The following NRCAM variants were observed in gnomAD, a reference collection of about 807,000 sequenced individuals.
NRCAM encodes the protein neuronal cell adhesion molecule.
NRCAM carries 83 observed loss-of-function variants against 156.5 expected under a neutral mutation model. That is an observed-to-expected ratio of 0.53 (90% CI 0.44 to 0.64). NRCAM has a LOEUF of 0.64. Ranked by LOEUF, NRCAM falls within the 30% of genes least tolerant of loss-of-function variation. The pLI, the probability that NRCAM is intolerant of heterozygous loss-of-function variation, is 0.00. For synonymous variants in NRCAM, 538 were observed against 563.9 expected (o/e 0.95, Z 0.65); for missense variants, 1,417 against 1,597.3 (o/e 0.89, Z 1.92).
intron 1 of NRCAM, among the ~76,000 whole-genome samples, chr7:108,409,136 A>G (rs931511943): frequency 6.6e-5 from 10 of 152,222 alleles, no homozygotes; most frequent in Non-Finnish European, 1.3e-4. Context: ...GAGGCTAGGC[A>G]GGAATTTGAG....
At chr7:108,235,518 TACTC>T (rs1391174378) in intron 5 of NRCAM, among the ~76,000 whole-genome samples, 1 of 152,176 alleles carries the variant, frequency 6.6e-6, no homozygotes, top group Non-Finnish European at 1.5e-5. Context: ...TGTTTTTTCT[TACTC>T]AGTGCAGCAA....
intron 3 of NRCAM, among the ~76,000 whole-genome samples, chr7:108,287,750 C>T (rs1003532598): frequency 2.0e-5 from 3 of 150,874 alleles, no homozygotes; most frequent in Non-Finnish European, 4.4e-5. Flanking sequence ...AAAAAAGAAA[C>T]GCTTATACAC....
intron 2 of NRCAM, among the ~76,000 whole-genome samples, chr7:108,373,872 T>C (rs1232310808): frequency 6.6e-6 from 1 of 152,174 alleles, no homozygotes; most frequent in African/African-American, 2.4e-5. Context: ...ACCACGTTTA[T>C]TCTAAATGGG....
intron 3 of NRCAM, among the ~76,000 whole-genome samples, chr7:108,307,680 C>CA (rs796191425): frequency 0.018 from 2,326 of 127,068 alleles, 30 homozygotes; most frequent in East Asian, 0.039. Flanking sequence ...CAAAGCAAAG[C>CA]AAAAAAAAAA....
chr7:108,227,873 T>C (rs1356391978), intron 8 of NRCAM, among the ~76,000 whole-genome samples: 1 of 152,180 alleles, frequency 6.6e-6, no homozygotes, highest in Non-Finnish European at 1.5e-5. Flanking sequence ...TGGAGCTCCC[T>C]CAGGCAGAAA....
At chr7:108,250,933 A>T (rs1023759812) in intron 3 of NRCAM, among the ~76,000 whole-genome samples, 3 of 152,210 alleles carry the variant, frequency 2.0e-5, no homozygotes, top group African/African-American at 2.4e-5. Context: ...AAAGTTTTTT[A>T]AAAAAGAAAA....
At chr7:108,260,372 T>C (rs1042620003) in intron 3 of NRCAM, among the ~76,000 whole-genome samples, 7 of 151,610 alleles carry the variant, frequency 4.6e-5, no homozygotes, top group African/African-American at 1.7e-4. Flanking sequence ...TTGAAAAAAA[T>C]GAATGGGTTG....
intron 2 of NRCAM, among the ~76,000 whole-genome samples, chr7:108,322,857 T>C (rs1324317241): frequency 6.6e-6 from 1 of 152,166 alleles, no homozygotes; most frequent in Non-Finnish European, 1.5e-5. Flanking sequence ...TAATGTAACA[T>C]AGCCTGTCTT....
At chr7:108,307,836 C>T (rs1475542058) in intron 3 of NRCAM, among the ~76,000 whole-genome samples, 5 of 152,112 alleles carry the variant, frequency 3.3e-5, no homozygotes, top group Non-Finnish European at 5.9e-5. Flanking sequence ...TGTCAGGATT[C>T]GACTCCCTCC....
chr7:108,189,930 T>C (rs1587362187), intron 19 of NRCAM, among the ~76,000 whole-genome samples, 184 bp from the exon 20 acceptor site: 1 of 152,186 alleles, frequency 6.6e-6, no homozygotes, highest in Admixed American at 6.5e-5. Flanking sequence ...ACACACAAGA[T>C]AACCCATCAA....
chr7:108,152,699 C>A (rs1453937614), intron 32 of NRCAM, among the ~76,000 whole-genome samples: 1 of 152,104 alleles, frequency 6.6e-6, no homozygotes, highest in African/African-American at 2.4e-5. Flanking sequence ...TGCTTTAGCA[C>A]TACAATAGCA....
intron 3 of NRCAM, among the ~76,000 whole-genome samples, chr7:108,272,128 G>T (rs2097376531): frequency 6.6e-6 from 1 of 152,064 alleles, no homozygotes; most frequent in Admixed American, 6.6e-5. Flanking sequence ...AACATATCTG[G>T]ATCTAAAATT....
intron 3 of NRCAM, among the ~76,000 whole-genome samples, chr7:108,280,223 A>G (rs1269673): frequency 0.89 from 135,336 of 152,264 alleles, 60,269 homozygotes; most frequent in African/African-American, 0.92. Flanking sequence ...TCTTCCCAAC[A>G]GGCGAATGAA....
chr7:108,212,574 T>C (rs532877518), intron 11 of NRCAM, among the ~76,000 whole-genome samples: 35 of 152,172 alleles, frequency 2.3e-4, no homozygotes, highest in South Asian at 1.0e-3. Flanking sequence ...TCAGGAAACA[T>C]TGGACACACT....
chr7:108,213,809 C>T lies in NRCAM; in HGVS notation c.891-4204G>A, dbSNP rs10225239. Among the ~76,000 whole-genome samples the T allele has an allele frequency of 5.5e-3, 843 of 152,138 alleles. 8 individuals are homozygous for T. Among genetic ancestry groups the T allele is most frequent in the African/African-American group, 0.019 (798 of 41,512 alleles). ...TCCTGAGAGTTTTTAGCATGAAGGG[C>T]TGTTGAATTTTGTCGAAGGCCTTTT... On this transcript the variant is annotated intron_variant, in intron 11 of 32. Coordinates refer to ENST00000379028, the MANE Select transcript of NRCAM (RefSeq NM_001037132.4).
Position 108,155,101 on chromosome 7 carries a change from TACACACACACACACACAC to T in NRCAM, c.3677+4344_3677+4361del, listed in dbSNP as rs58111040. On this transcript the variant is annotated intron_variant, in intron 32 of 32. Transcript: ENST00000379028. ...GATTTAAAAGTCATATATATATATA[TACACACACACACACACAC>T]ACACACACACACACACACACACACA... Among the ~76,000 whole-genome samples, 3 of 123,102 alleles carry T rather than the reference TACACACACACACACACAC, an allele frequency of 2.4e-5. 1 individual carries two copies. The highest frequency in any genetic ancestry group is 5.2e-4 in the South Asian group (2 of 3,814). 80.8% of individuals were successfully genotyped at this position (123,102 alleles called of 152,430 possible). A position where few individuals can be genotyped will look rare whatever the true frequency, so the allele number is the denominator to read the frequency against.
At chr7:108,421,187 A>G (rs768207243) in intron 1 of NRCAM, among the ~76,000 whole-genome samples, 9 of 152,212 alleles carry the variant, frequency 5.9e-5, no homozygotes, top group Non-Finnish European at 1.3e-4. Context: ...GTGTGTGTAT[A>G]AAACGTGTAA....
At chr7:108,150,170 T>C in intron 32 of NRCAM, 23 bp from the exon 33 acceptor site, 1 of 1,566,094 alleles carries the variant, frequency 6.4e-7, no homozygotes, top group Non-Finnish European at 8.6e-7. Flanking sequence ...GAAAACATTT[T>C]TGTCAAGATT....
Position 108,277,941 on chromosome 7 carries a change from T to C in NRCAM, c.-107+34724A>G, listed in dbSNP as rs147212493. Among the ~76,000 whole-genome samples the C allele has an allele frequency of 5.3e-3, 805 of 152,350 alleles. 5 individuals are homozygous for C. Among genetic ancestry groups the C allele is most frequent in the African/African-American group, 0.018 (736 of 41,586 alleles). Reference sequence around the variant, plus strand: ...GGTTTTGATGTAGATGTCCTTTTCATTGATGTTGATGCTATTGCTTCCTGT... The same window carrying C: ...GGTTTTGATGTAGATGTCCTTTTCACTGATGTTGATGCTATTGCTTCCTGT... On this transcript the variant is annotated intron_variant, in intron 3 of 32. Transcript: ENST00000379028.
Sources: allele counts gnomAD v4.1 joint callset (sites outside exome capture counted in the v4.1 genomes callset), GRCh38; gene constraint gnomAD v4.1.1; transcripts MANE v1.5; gene names NCBI Gene and HGNC (gene_info 2026-07-23, HGNC 2026-07-21).